Variants in PCMT1 observed in about 807,000 individuals in gnomAD.
The protein encoded by PCMT1 is protein-L-isoaspartate(D-aspartate) O-methyltransferase.
In PCMT1, 9 loss-of-function variants were observed where a neutral mutation model predicts 29.2. The observed-to-expected ratio is 0.31, with a 90% CI of 0.19 to 0.54. The LOEUF (loss-of-function observed/expected upper bound fraction) is 0.54. PCMT1 is among the 20% of genes least tolerant of loss of function. PCMT1 has a pLI of 0.95. For synonymous variants in PCMT1, 98 were observed against 97.5 expected (o/e 1.00, Z -0.03); for missense variants, 184 against 282.2 (o/e 0.65, Z 2.49).
chr6:149,791,495 G>C (rs1583046540), intron 4 of PCMT1, among the ~76,000 whole-genome samples: 1 of 152,180 alleles, frequency 6.6e-6, no homozygotes, highest in Admixed American at 6.5e-5. Context: ...GGACAGATTG[G>C]AATATTCTGA....
chr6:149,749,987 G>A (rs776434809), intron 1 of PCMT1, 31 bp downstream of exon 1: 2 of 1,589,032 alleles, frequency 1.3e-6, no homozygotes, highest in Non-Finnish European at 1.7e-6. Flanking sequence ...TTGTAGGGCA[G>A]CTGGGGCAGG....
At chr6:149,803,797 GAAAA>G (rs35832236) in intron 7 of PCMT1, among the ~76,000 whole-genome samples, 2 of 109,900 alleles carry the variant, frequency 1.8e-5, no homozygotes, top group African/African-American at 3.3e-5. Flanking sequence ...ACAGCCACTG[GAAAA>G]AAAAAAAAAA....
intron 5 of PCMT1, among the ~76,000 whole-genome samples, chr6:149,794,054 A>G (rs1583049664): frequency 6.6e-6 from 1 of 152,070 alleles, no homozygotes; most frequent in Non-Finnish European, 1.5e-5. Context: ...TCTTATTGGT[A>G]CCCTTTTGAT....
intron 1 of PCMT1, among the ~76,000 whole-genome samples, chr6:149,762,004 C>T (rs188099097): frequency 5.3e-4 from 80 of 152,110 alleles, no homozygotes; most frequent in Non-Finnish European, 9.4e-4. Flanking sequence ...AAATGTTTTT[C>T]CTTTGTTTTT....
chr6:149,784,589 C>G (rs142309138), intron 3 of PCMT1, among the ~76,000 whole-genome samples: 2 of 151,774 alleles, frequency 1.3e-5, no homozygotes, highest in African/African-American at 4.8e-5. Context: ...CTCAGCCTCT[C>G]GAGTAGCTGG....
intron 7 of PCMT1, among the ~76,000 whole-genome samples, chr6:149,803,052 C>CAAAAAAAAA (rs60853264): frequency 4.3e-4 from 30 of 70,566 alleles, no homozygotes; most frequent in Non-Finnish European, 6.8e-4. Flanking sequence ...GGCTCTGTCT[C>CAAAAAAAAA]AAAAAAAAAA....
chr6:149,787,299 C>CCGTGGGGAGAGGGAGAT (rs1788154128), intron 3 of PCMT1, among the ~76,000 whole-genome samples: 1 of 148,180 alleles, frequency 6.7e-6, no homozygotes, highest in Admixed American at 6.7e-5. Flanking sequence ...TAGAGGGAGA[C>CCGTGGGGAGAGGGAGAT]CGTGGGGAGA....
intron 4 of PCMT1, among the ~76,000 whole-genome samples, chr6:149,792,415 T>G (rs1788409194): frequency 6.6e-6 from 1 of 152,226 alleles, no homozygotes; most frequent in Non-Finnish European, 1.5e-5. Context: ...AGCCTTTATG[T>G]GTTAATTTTT....
chr6:149,800,781 A>G lies in PCMT1; in HGVS notation c.505-1419A>G, dbSNP rs542386382. ...GCCCTAGATTCTACAATAATAGGAT[A>G]GGGATTCCTTGCTGATTTTCTACAC... On this transcript the variant is annotated intron_variant, in intron 6 of 7. Coordinates refer to ENST00000464889, the MANE Select transcript of PCMT1 (RefSeq NM_001360452.2). 5.9e-5 allele frequency among the ~76,000 whole-genome samples: 9 copies of G among 152,276 alleles called. No homozygotes were observed. In the East Asian group the frequency reaches 1.7e-3, roughly 29 times the overall value.
intron 7 of PCMT1, among the ~76,000 whole-genome samples, chr6:149,809,589 G>T (rs1165923164): frequency 6.6e-6 from 1 of 152,038 alleles, no homozygotes; most frequent in East Asian, 1.9e-4. Context: ...TAAAAAAATT[G>T]TCCAGTAATT....
At position 149,758,208 on chromosome 6, in the gene PCMT1, C is replaced by CTTTCTTTTTTTTTTTTT. The variant is rs1554251094; in HGVS notation, c.55+8255_55+8256insCTTTTTTTTTTTTTTTT. ...CAATTTTTTTTTTCTTTCTTTCTTT[C>CTTTCTTTTTTTTTTTTT]TTTTTTTTTTTTTTTTTTCTGAGAC... On this transcript the variant is annotated intron_variant, in intron 1 of 7. Transcript: ENST00000464889. Among the ~76,000 whole-genome samples, 518 of 73,804 alleles carry CTTTCTTTTTTTTTTTTT rather than the reference C, an allele frequency of 7.0e-3. 46 individuals are homozygous for CTTTCTTTTTTTTTTTTT. The highest frequency in any genetic ancestry group is 0.022 in the African/African-American group (411 of 18,822). The allele number at this position is 73,804 out of a possible 152,430, so 48.4% of individuals were successfully genotyped here.
chr6:149,801,756 T>C (rs1351187833), intron 6 of PCMT1, among the ~76,000 whole-genome samples: 1 of 152,142 alleles, frequency 6.6e-6, no homozygotes, highest in African/African-American at 2.4e-5. Flanking sequence ...CCTTAATTTG[T>C]ATATACTAAA....
rs1583029006 is a variant in PCMT1, at chr6:149,778,564, G to A, written c.192+5395G>A. ...TAGTTTTTGTTTTTTTTAAGACAGG[G>A]TGTTGCTTTGTTGCCCAGGCTGGAG... On this transcript the variant is annotated intron_variant, in intron 3 of 7. Coordinates refer to ENST00000464889, the MANE Select transcript of PCMT1 (RefSeq NM_001360452.2). 4.0e-5 allele frequency among the ~76,000 whole-genome samples: 6 copies of A among 151,756 alleles called. No individual in the cohort carries two copies. In the South Asian group the frequency reaches 1.3e-3, roughly 32 times the overall value.
chr6:149,783,548 T>C (rs1364698396), intron 3 of PCMT1, among the ~76,000 whole-genome samples: 2 of 152,182 alleles, frequency 1.3e-5, no homozygotes, highest in East Asian at 3.9e-4. Flanking sequence ...TCCAATATTA[T>C]ATACTTCTTA....
chr6:149,783,552 C>A (rs538776256), intron 3 of PCMT1, among the ~76,000 whole-genome samples: 14 of 152,222 alleles, frequency 9.2e-5, no homozygotes, highest in Admixed American at 2.6e-4. Flanking sequence ...ATATTATATA[C>A]TTCTTAATGT....
Position 149,802,196 on chromosome 6 carries a change from T to C in PCMT1, c.505-4T>C. On this transcript the variant is annotated splice_polypyrimidine_tract_variant and splice_region_variant and intron_variant, in intron 6 of 7. Coordinates refer to ENST00000464889, the MANE Select transcript of PCMT1 (RefSeq NM_001360452.2). ...ATGTATGTGCTTTTTTTTTTTTCTTTTAGCTAATAGATCAGTTAAAGCCCG... is the reference window on the plus strand; with the variant it reads ...ATGTATGTGCTTTTTTTTTTTTCTTCTAGCTAATAGATCAGTTAAAGCCCG... 1 of 1,562,400 alleles carries C rather than the reference T, an allele frequency of 6.4e-7. No homozygotes were observed. The highest frequency in any genetic ancestry group is 1.2e-5 in the South Asian group (1 of 82,814).
intron 1 of PCMT1, among the ~76,000 whole-genome samples, chr6:149,768,497 G>A (rs1446783806): frequency 7.4e-6 from 1 of 135,592 alleles, no homozygotes; most frequent in East Asian, 2.3e-4. Context: ...TGTCACTCAG[G>A]CTGGAGCGCA....
intron 3 of PCMT1, among the ~76,000 whole-genome samples, chr6:149,778,175 C>A (rs1229146088): frequency 6.6e-6 from 1 of 150,844 alleles, no homozygotes; most frequent in Non-Finnish European, 1.5e-5. Flanking sequence ...CTGTGTCTGG[C>A]GTGTTATCAA....
chr6:149,784,387 A>G (rs757393860), intron 3 of PCMT1, among the ~76,000 whole-genome samples: 32 of 152,218 alleles, frequency 2.1e-4, no homozygotes, highest in African/African-American at 4.8e-5. Flanking sequence ...AGTACCATAT[A>G]TACAAATAAA....
Sources: allele counts gnomAD v4.1 joint callset (sites outside exome capture counted in the v4.1 genomes callset), GRCh38; gene constraint gnomAD v4.1.1; transcripts MANE v1.5; gene names NCBI Gene and HGNC (gene_info 2026-07-23, HGNC 2026-07-21).